Variants in SORCS3 observed in about 807,000 individuals in gnomAD.
SORCS3 encodes sortilin related VPS10 domain containing receptor 3.
Under a neutral mutation model 146.3 loss-of-function variants are expected in SORCS3, and 57 were observed. That is an observed-to-expected ratio of 0.39 (90% CI 0.31 to 0.49). The LOEUF (loss-of-function observed/expected upper bound fraction) is 0.49. Among genes scored for constraint, SORCS3 ranks in the 20% least tolerant of loss-of-function variants. The probability of loss-of-function intolerance (pLI) is 0.92; values close to 1 mark genes in which losing one functional copy is unlikely to be tolerated. For synonymous variants in SORCS3, 653 were observed against 618.5 expected, an observed-to-expected ratio of 1.06 and a Z score of -0.83; for missense variants, 1,341 against 1,575.5, an observed-to-expected ratio of 0.85 and a Z score of 2.52.
chr10:104,857,327 G>T (rs776839400), intron 2 of SORCS3, among the ~76,000 whole-genome samples: 5 of 151,988 alleles, frequency 3.3e-5, no homozygotes, highest in Non-Finnish European at 2.9e-5. Flanking sequence ...AAGGAGTAAA[G>T]GTTGTAAACA....
At chr10:104,679,337 G>A (rs2015945823) in intron 1 of SORCS3, among the ~76,000 whole-genome samples, 1 of 152,192 alleles carries the variant, frequency 6.6e-6, no homozygotes, top group Admixed American at 6.5e-5. Flanking sequence ...TGAGAACGTT[G>A]TCTACCTTGA....
chr10:104,706,984 A>G (rs1466511625), intron 1 of SORCS3, among the ~76,000 whole-genome samples: 2 of 152,088 alleles, frequency 1.3e-5, no homozygotes, highest in East Asian at 3.9e-4. Context: ...AGTTTTTCAT[A>G]TGTGTGTGGT....
intron 4 of SORCS3, among the ~76,000 whole-genome samples, chr10:104,994,732 T>A (rs2055014138): frequency 6.6e-6 from 1 of 152,202 alleles, no homozygotes; most frequent in African/African-American, 2.4e-5. Context: ...GCACAGCCTG[T>A]TTCTCTCATA....
intron 2 of SORCS3, among the ~76,000 whole-genome samples, chr10:104,888,835 G>T (rs2018719485): frequency 6.6e-6 from 1 of 152,178 alleles, no homozygotes; most frequent in Non-Finnish European, 1.5e-5. Flanking sequence ...GATCCTTGGG[G>T]AGTGACTGAG....
At chr10:104,813,174 C>A (rs1302075570) in intron 1 of SORCS3, among the ~76,000 whole-genome samples, 3 of 152,174 alleles carry the variant, frequency 2.0e-5, no homozygotes, top group Non-Finnish European at 4.4e-5. Context: ...AGCTTCAGGG[C>A]CTTCACTGCT....
rs185287367 is a variant in SORCS3 at position 104,805,075 on chromosome 10, A to G, written c.628-37717A>G. The stretch of plus-strand genomic sequence containing the variant: ...TTCTAATACACCTCACTCACACATA[A>G]TGAACACCCATCTGTCACTCAGTGA... On this transcript the variant is annotated intron_variant, in intron 1 of 26. Coordinates refer to ENST00000369701, the MANE Select transcript of SORCS3 (RefSeq NM_014978.3). 3.3e-3 allele frequency among the ~76,000 whole-genome samples: 501 copies of G among 152,324 alleles called. 7 individuals carry two copies. The South Asian group carries it at 0.044, about 13-fold the overall frequency.
intron 4 of SORCS3, among the ~76,000 whole-genome samples, chr10:104,997,099 A>G (rs753715061): frequency 2.9e-4 from 44 of 152,190 alleles, no homozygotes; most frequent in Non-Finnish European, 1.8e-4. Flanking sequence ...AAGGGGAATA[A>G]TAGGGGAATG....
intron 1 of SORCS3, among the ~76,000 whole-genome samples, chr10:104,696,195 A>G (rs1319870921): frequency 7.9e-6 from 1 of 125,828 alleles, no homozygotes; most frequent in Middle Eastern, 5.4e-3. Flanking sequence ...ATACACATAT[A>G]ATATATAATA....
At chr10:104,897,234 C>T (rs1025664376) in intron 2 of SORCS3, among the ~76,000 whole-genome samples, 3 of 152,150 alleles carry the variant, frequency 2.0e-5, no homozygotes, top group Admixed American at 6.5e-5. Flanking sequence ...GTTTTCACCC[C>T]GTCCTAGGGC....
intron 1 of SORCS3, among the ~76,000 whole-genome samples, chr10:104,755,807 C>G (rs1288833053): frequency 2.0e-5 from 3 of 152,162 alleles, no homozygotes; most frequent in Admixed American, 2.0e-4. Context: ...TTTGCCTTTC[C>G]TCATCACAGT....
chr10:105,103,357 A>T (rs1431797987), intron 6 of SORCS3, among the ~76,000 whole-genome samples: 1 of 152,210 alleles, frequency 6.6e-6, no homozygotes, highest in Non-Finnish European at 1.5e-5. Flanking sequence ...GCCATGTCAT[A>T]CAAAGTTATT....
At chr10:105,002,464 A>G (rs1224578895) in intron 4 of SORCS3, among the ~76,000 whole-genome samples, 1 of 152,236 alleles carries the variant, frequency 6.6e-6, no homozygotes, top group East Asian at 1.9e-4. Context: ...ACCCTGCATC[A>G]GGCACTGAGC....
intron 3 of SORCS3, among the ~76,000 whole-genome samples, chr10:104,936,591 C>T (rs888701165): frequency 5.9e-5 from 9 of 152,072 alleles, no homozygotes; most frequent in Non-Finnish European, 1.0e-4. Flanking sequence ...ATGGGACATC[C>T]AGGGGAAAAG....
intron 3 of SORCS3, among the ~76,000 whole-genome samples, chr10:104,947,211 C>A (rs966935851): frequency 6.6e-6 from 1 of 152,044 alleles, no homozygotes; most frequent in South Asian, 2.1e-4. Context: ...ATGTGATTGG[C>A]CAAGGAAGGG....
In SORCS3 at chr10:105,139,353, T is replaced by C. The variant is rs1763726735; in HGVS notation, c.1213-44T>C. The C allele has an allele frequency of 2.1e-6, 3 of 1,426,122 alleles. No individual in the cohort carries two copies. In the South Asian group the frequency reaches 3.4e-5, roughly 16 times the overall value. The allele number at this position is 1,426,122 out of a possible 1,614,324, so 88.3% of individuals were successfully genotyped here. On this transcript the variant is annotated intron_variant, in intron 7 of 26. Transcript: ENST00000369701. ...CTAATACTTTCCAACTTGTGCATGA[T>C]CTGTGGCCTCATCTGATCTCTTTGT... is the stretch of plus-strand genomic sequence containing the variant.
At chr10:104,807,002 G>A (rs888472202) in intron 1 of SORCS3, among the ~76,000 whole-genome samples, 1 of 151,954 alleles carries the variant, frequency 6.6e-6, no homozygotes, top group Admixed American at 6.6e-5. Context: ...GGAATTTTTG[G>A]GAAGAACCAG....
At chr10:105,121,782 TG>T (rs2055935603) in intron 7 of SORCS3, among the ~76,000 whole-genome samples, 1 of 152,182 alleles carries the variant, frequency 6.6e-6, no homozygotes, top group African/African-American at 2.4e-5. Flanking sequence ...CAGATATACT[TG>T]GGGGATTTAC....
At chr10:105,238,140 C>G (rs577366714) in intron 20 of SORCS3, among the ~76,000 whole-genome samples, 1 of 152,166 alleles carries the variant, frequency 6.6e-6, no homozygotes. Context: ...TTTCTGAAAT[C>G]CAACTGTAGG....
intron 8 of SORCS3, among the ~76,000 whole-genome samples, chr10:105,144,907 A>G (rs1436284817): frequency 6.6e-6 from 1 of 152,092 alleles, no homozygotes; most frequent in African/African-American, 2.4e-5. Context: ...TTATTGGTTG[A>G]CCCCATTCAA....
Sources: allele counts gnomAD v4.1 joint callset (sites outside exome capture counted in the v4.1 genomes callset), GRCh38; gene constraint gnomAD v4.1.1; transcripts MANE v1.5; gene names NCBI Gene and HGNC (gene_info 2026-07-23, HGNC 2026-07-21).